Variants in MTCH1 observed in about 807,000 individuals in gnomAD.
MTCH1 encodes the protein mitochondrial carrier 1.
MTCH1 carries 23 observed loss-of-function variants against 49.3 expected under a neutral mutation model. That is an observed-to-expected ratio of 0.47 (90% confidence interval 0.34 to 0.66). MTCH1 has a LOEUF of 0.66. Ranked by LOEUF, MTCH1 falls within the 30% of genes least tolerant of loss-of-function variation. The pLI is 0.01. For synonymous variants in MTCH1, 229 were observed against 215.2 expected (o/e 1.06, Z -0.56); for missense variants, 397 against 532.1 (o/e 0.75, Z 2.50).
At chr6:36,985,084 C>G (rs1388386403) in intron 1 of MTCH1, among the ~76,000 whole-genome samples, 2 of 150,294 alleles carry the variant, frequency 1.3e-5, no homozygotes, top group African/African-American at 4.9e-5. Flanking sequence ...TTCCCCTCCC[C>G]CCATACGCGT....
At chr6:36,970,265 C>T (rs1763633299) in intron 10 of MTCH1, 141 bp downstream of exon 10, 1 of 1,438,640 alleles carries the variant, frequency 7.0e-7, no homozygotes, top group South Asian at 1.2e-5. Flanking sequence ...TGGGAAATCC[C>T]AGCGGAAGCC....
At position 36,981,588 on chromosome 6, in the gene MTCH1, C is replaced by T. The variant is rs1390202425; in HGVS notation, c.406G>A (p.Ala136Thr). The T allele has an allele frequency of 3.1e-6, 5 of 1,613,666 alleles. No individual in the cohort carries two copies. Among genetic ancestry groups the T allele is most frequent in the East Asian group, 2.2e-5 (1 of 44,868 alleles). Residue 136 changes from alanine to threonine, a missense_variant and splice_region_variant, in exon 2 of 12, where the codon GCC becomes ACC. By Grantham distance (58) the Ala-to-Thr change is moderately conservative (BLOSUM62 0). This residue lies in a region of MTCH1 where 252 missense variants were observed against 388.3 expected (regional missense o/e 0.65). Transcript: ENST00000373627. ...TTTCCTGCTTGGGAGGCACACTCAC[C>T]GTAGGTGAAGAAGCTCGGCAGATAG... ...VLYLPSFFTYAKYIVQVDGKI... is the reference protein window; with the variant it reads ...VLYLPSFFTYTKYIVQVDGKI...
chr6:36,980,665 C>T (rs1452377792), intron 2 of MTCH1, among the ~76,000 whole-genome samples: 1 of 152,236 alleles, frequency 6.6e-6, no homozygotes, highest in Non-Finnish European at 1.5e-5. Context: ...CCAAGTTACT[C>T]AACAGAAAGA....
intron 7 of MTCH1, among the ~76,000 whole-genome samples, chr6:36,974,987 T>TA (rs530897451): frequency 1.3e-3 from 201 of 152,326 alleles, no homozygotes; most frequent in African/African-American, 4.7e-3. Context: ...TTTCTGAACT[T>TA]AGTCTTTTCA....
chr6:36,977,178 C>T lies in MTCH1; in HGVS notation c.701+21G>A. On this transcript the variant is annotated intron_variant, in intron 6 of 11. Coordinates refer to ENST00000373627, the MANE Select transcript of MTCH1 (RefSeq NM_001271641.2). This position sits in a 1 kb window ranked among gnomAD's most constrained non-coding sequence, Gnocchi z 5.4. ...CTGAAAGGGTAACAGGGCCACTCTG[C>T]CAGTCCCAAGAGTTACCCACCTGTA... 3.7e-6 allele frequency: 6 copies of T among 1,613,518 alleles called. No homozygotes were observed. Among genetic ancestry groups the T allele is most frequent in the Non-Finnish European group, 5.1e-6 (6 of 1,179,518 alleles).
At chr6:36,986,255 A>G, upstream of MTCH1, 2 of 1,266,546 alleles carry the variant, frequency 1.6e-6, no homozygotes, top group Non-Finnish European at 2.0e-6. Flanking sequence ...GCCGGGGCGC[A>G]CCACTCCAGG....
At position 36,982,307 on chromosome 6, in the gene MTCH1, C is replaced by T. The variant is rs949268645; in HGVS notation, c.322-635G>A. Among the ~76,000 whole-genome samples, 2 of 152,232 alleles carry T rather than the reference C, an allele frequency of 1.3e-5. No homozygotes were observed. The highest frequency in any genetic ancestry group is 1.3e-4 in the Admixed American group (2 of 15,290). On this transcript the variant is annotated intron_variant, in intron 1 of 11. Transcript: ENST00000373627. This position sits in a 1 kb window ranked among gnomAD's most constrained non-coding sequence, Gnocchi z 4.1. ...ATCACCCTACATCCCTGTGACAAAACGACCCCCTCATTTCTGTAGGGCTAT... is the reference window on the plus strand; with the variant it reads ...ATCACCCTACATCCCTGTGACAAAATGACCCCCTCATTTCTGTAGGGCTAT...
At chr6:36,976,383 G>A (rs1233401041) in intron 6 of MTCH1, 1 of 366,642 alleles carries the variant, frequency 2.7e-6, no homozygotes, top group Non-Finnish European at 5.6e-6. Context: ...GGGAGCCAGT[G>A]GAAGGCAAAG....
At chr6:36,976,834 T>C (rs1318749566) in intron 6 of MTCH1, among the ~76,000 whole-genome samples, 3 of 152,244 alleles carry the variant, frequency 2.0e-5, no homozygotes, top group East Asian at 3.9e-4. Flanking sequence ...GCTATCAGCC[T>C]ATGAGGGCCG....
chr6:36,978,850 T>TCTTC (rs1312154255), intron 2 of MTCH1, among the ~76,000 whole-genome samples: 1 of 151,214 alleles, frequency 6.6e-6, no homozygotes, highest in Non-Finnish European at 1.5e-5. Flanking sequence ...TCATATATTT[T>TCTTC]CTTCCTTCCT....
intron 2 of MTCH1, among the ~76,000 whole-genome samples, chr6:36,979,498 C>T (rs932054384): frequency 3.3e-5 from 5 of 152,224 alleles, no homozygotes; most frequent in African/African-American, 1.2e-4. Flanking sequence ...CTCTCTGGCA[C>T]CGCGCAGAGG....
upstream of MTCH1, chr6:36,986,403 G>C: frequency 2.8e-6 from 1 of 359,500 alleles, no homozygotes; most frequent in Non-Finnish European, 4.9e-6. Flanking sequence ...CCGGGCTCGG[G>C]AGCTGTGGCG....
rs906692279 is a variant in MTCH1 at position 36,972,328 on chromosome 6, G to C, written c.906+324C>G. ...AAAGACGTGACACAAAGGTCAAGAGGTGATCACTATTAGCTGGTCTATCTT... is the reference window on the plus strand; with the variant it reads ...AAAGACGTGACACAAAGGTCAAGAGCTGATCACTATTAGCTGGTCTATCTT... On this transcript the variant is annotated intron_variant, in intron 8 of 11. Transcript: ENST00000373627. The surrounding 1 kb of genome is among the most constrained non-coding windows in gnomAD (Gnocchi z 4.1). 2.0e-5 allele frequency among the ~76,000 whole-genome samples: 3 copies of C among 152,196 alleles called. No individual in the cohort carries two copies. The highest frequency in any genetic ancestry group is 7.2e-5 in the African/African-American group (3 of 41,432).
At chr6:36,980,406 C>G (rs1764043609) in intron 2 of MTCH1, among the ~76,000 whole-genome samples, 1 of 152,234 alleles carries the variant, frequency 6.6e-6, no homozygotes, top group South Asian at 2.1e-4. Flanking sequence ...GCCCCGGCTG[C>G]CTTACCTCTC....
Position 36,977,486 on chromosome 6 carries a change from A to T in MTCH1, c.649+148T>A. On this transcript the variant is annotated intron_variant, in intron 5 of 11. Coordinates refer to ENST00000373627, the MANE Select transcript of MTCH1 (RefSeq NM_001271641.2). The surrounding 1 kb of genome is among the most constrained non-coding windows in gnomAD (Gnocchi z 5.4). ...AAAGAATTCCAATCTCTCCTCAGTG[A>T]GGTGGGTTCCAGTAGAATACCCCCA... The T allele has an allele frequency of 1.4e-6, 1 of 690,218 alleles. No homozygotes were observed. The allele number at this position is 690,218 out of a possible 1,614,324, so 42.8% of individuals were successfully genotyped here. A position where few individuals can be genotyped will look rare whatever the true frequency, so the allele number is the denominator to read the frequency against.
In MTCH1 at chr6:36,968,967, A is replaced by C. The variant is rs755922640; in HGVS notation, c.1106T>G (p.Leu369Arg). The C allele has an allele frequency of 6.2e-7, 1 of 1,613,924 alleles. No individual in the cohort carries two copies. The change falls in exon 12 of 12, where the codon CTC (leucine) becomes CGC (arginine). Residue 369 changes from leucine to arginine, a missense_variant. Coordinates refer to ENST00000373627, the MANE Select transcript of MTCH1 (RefSeq NM_001271641.2). ...GAAAAGCAGGCTGGAGCCTCGGAAG[A>C]GCTGGCCCTGGACCAGAAGGAAAAG... ...CWKYLSVQGQ[L>R]FRGSSLLFRR...
Position 36,969,087 on chromosome 6 carries a change from C to A in MTCH1, c.1099-113G>T, listed in dbSNP as rs1433041458. 6 of 1,481,110 alleles carry A rather than the reference C, an allele frequency of 4.1e-6. No individual in the cohort carries two copies. The South Asian group carries it at 6.8e-5, about 17-fold the overall frequency. 91.7% of individuals were successfully genotyped at this position (1,481,110 alleles called of 1,614,324 possible). On this transcript the variant is annotated intron_variant, in intron 11 of 11. Transcript: ENST00000373627. ...GGTCCAGGAGCTCAAAGACCCAGCT[C>A]CGGGGTGGACGGCCTCGGCCTACAT...
Position 36,972,617 on chromosome 6 carries a change from C to T in MTCH1, c.906+35G>A, listed in dbSNP as rs543696025. 57 of 1,535,156 alleles carry T rather than the reference C, an allele frequency of 3.7e-5. No homozygotes were observed. The African/African-American group carries it at 7.3e-4, about 20-fold the overall frequency. ...TCCCAGACCCTGGGCATCAGCAGCACACGGAAAGAAGGACAAGTCCTTGTT... is the reference window on the plus strand; with the variant it reads ...TCCCAGACCCTGGGCATCAGCAGCATACGGAAAGAAGGACAAGTCCTTGTT... On this transcript the variant is annotated intron_variant, in intron 8 of 11. Coordinates refer to ENST00000373627, the MANE Select transcript of MTCH1 (RefSeq NM_001271641.2). This position sits in a 1 kb window ranked among gnomAD's most constrained non-coding sequence, Gnocchi z 4.1.
At chr6:36,969,172 G>C (rs1763583842) in intron 11 of MTCH1, 198 bp from the exon 12 acceptor site, 1 of 985,314 alleles carries the variant, frequency 1.0e-6, no homozygotes, top group African/African-American at 1.7e-5. Flanking sequence ...TTCCTGCCCA[G>C]GGGTGTCTTT....
Sources: gnomAD v4.1 joint callset for allele counts (sites outside exome capture counted in the v4.1 genomes callset) on GRCh38, gnomAD v4.1.1 for gene constraint, gnomAD v4.1.1 regional missense constraint, Gnocchi (gnomAD v3.1) non-coding constraint, MANE v1.5 for transcripts, NCBI Gene and HGNC (gene_info 2026-07-23, HGNC 2026-07-21) for gene names.